The following BRWD3 variants were observed in gnomAD, a reference collection of about 807,000 sequenced individuals.
BRWD3 encodes the protein bromodomain and WD repeat-containing protein 3.
BRWD3 carries 10 observed loss-of-function variants against 149.7 expected under a neutral mutation model. The ratio of observed to expected loss-of-function variants is 0.07; its 90% CI spans 0.04 to 0.11. BRWD3 has a LOEUF of 0.11. Among genes scored for constraint, BRWD3 ranks in the 10% least tolerant of loss-of-function variants. The probability of loss-of-function intolerance (pLI) is 1.00; values close to 1 mark genes in which losing one functional copy is unlikely to be tolerated. For missense variants in BRWD3, 940 were observed against 1,373.2 expected (o/e 0.68, Z 4.99); for synonymous variants, 504 against 456.7 (o/e 1.10, Z -1.32).
chrX:80,724,334 C>G (rs2073189815), intron 15 of BRWD3, among the ~76,000 whole-genome samples: 1 of 111,413 alleles, frequency 9.0e-6, no homozygotes, highest in Non-Finnish European at 1.9e-5. Flanking sequence ...AAAGTAAACT[C>G]AAAGAGCAAC....
intron 20 of BRWD3, among the ~76,000 whole-genome samples, chrX:80,712,683 C>T (rs1388471149): frequency 9.1e-6 from 1 of 110,277 alleles, no homozygotes; most frequent in Non-Finnish European, 1.9e-5. Flanking sequence ...TGCCCAGCCG[C>T]CATCCCATCT....
intron 6 of BRWD3, among the ~76,000 whole-genome samples, chrX:80,763,887 C>G (rs2073828931): frequency 8.9e-6 from 1 of 111,882 alleles, no homozygotes; most frequent in South Asian, 3.7e-4. Flanking sequence ...CTAAAATTCA[C>G]AGGGAAAGAC....
intron 21 of BRWD3, among the ~76,000 whole-genome samples, chrX:80,708,738 C>T (rs1413516991): frequency 2.1e-4 from 23 of 110,407 alleles, no homozygotes; most frequent in Non-Finnish European, 1.5e-4. Flanking sequence ...ATCTCTTGAA[C>T]CCAGGAGGCA....
intron 25 of BRWD3, among the ~76,000 whole-genome samples, chrX:80,698,209 T>C (rs1012531776): frequency 8.9e-6 from 1 of 112,193 alleles, no homozygotes; most frequent in Non-Finnish European, 1.9e-5. Flanking sequence ...GATATGATCT[T>C]ACAATAATCA....
chrX:80,719,667 C>G lies in BRWD3; in HGVS notation c.1877-11G>C. 13 of 1,208,283 alleles carry G rather than the reference C, an allele frequency of 1.1e-5. No homozygotes were observed. Among genetic ancestry groups the G allele is most frequent in the Non-Finnish European group, 1.5e-5 (13 of 893,262 alleles). Reference sequence around the variant, plus strand: ...CTACCTCACCATCACCTTAATAAGACCAGATACAAAGCCACAAAATTACTT... The same window carrying G: ...CTACCTCACCATCACCTTAATAAGAGCAGATACAAAGCCACAAAATTACTT... On this transcript the variant is annotated splice_polypyrimidine_tract_variant and intron_variant, in intron 17 of 40. Coordinates refer to ENST00000373275, the MANE Select transcript of BRWD3 (RefSeq NM_153252.5).
rs1416301999 is a variant in BRWD3 at position 80,669,759 on chromosome X, C to CA, written c.*6849dup. Among the ~76,000 whole-genome samples, 9 of 110,972 alleles carry CA rather than the reference C, an allele frequency of 8.1e-5. No homozygotes were observed. The highest frequency in any genetic ancestry group is 5.7e-5 in the Non-Finnish European group (3 of 52,921). ...ATTGCAACATGACAAAAATCAACCA[C>CA]AAAAATCCTTAAAAATGAATAAGCT... On this transcript the variant is annotated 3_prime_UTR_variant, in exon 41 of 41. Coordinates refer to ENST00000373275, the MANE Select transcript of BRWD3 (RefSeq NM_153252.5).
rs756029872 is a variant in BRWD3 at position 80,722,685 on chromosome X, G to A, written c.1753C>T (p.Pro585Ser). 7.4e-6 allele frequency: 9 copies of A among 1,208,437 alleles called. No individual in the cohort carries two copies. ...TCAACATCCACCAAAAATGGAGGAG[G>A]CATGAGGTGAGGAGCTTGTTGGGTT... The part of the protein sequence containing the change: ...EQTQQAPHLM[P>S]PPFLVDVDGN... Residue 585 changes from proline to serine, a missense_variant, in exon 17 of 41, where the codon CCT (proline) becomes TCT (serine). By Grantham distance (74) the Pro-to-Ser change is moderately conservative. This residue lies in a region of BRWD3 where 209 missense variants were observed against 396.8 expected (regional missense o/e 0.53). Transcript: ENST00000373275.
intron 8 of BRWD3, among the ~76,000 whole-genome samples, chrX:80,737,128 T>C (rs2073415024): frequency 9.0e-6 from 1 of 111,569 alleles, no homozygotes; most frequent in African/African-American, 3.3e-5. Flanking sequence ...CATTAACAAC[T>C]GATGTGCAGT....
chrX:80,728,276 C>T (rs1802312150), intron 14 of BRWD3, among the ~76,000 whole-genome samples: 1 of 111,697 alleles, frequency 9.0e-6, no homozygotes, highest in East Asian at 2.8e-4. Context: ...TTAATCCTTT[C>T]AACTTTTTAC....
intron 19 of BRWD3, chrX:80,716,743 C>T (rs12844416): frequency 0.033 from 3,910 of 120,063 alleles, 73 homozygotes; most frequent in Middle Eastern, 0.072. Flanking sequence ...GAGTTGTTTC[C>T]ACCATTTGGT....
intron 14 of BRWD3, among the ~76,000 whole-genome samples, chrX:80,727,927 T>A (rs771926309): frequency 8.9e-6 from 1 of 111,939 alleles, no homozygotes; most frequent in South Asian, 3.7e-4. Flanking sequence ...CAGGACTCTG[T>A]CTAATTTACC....
chrX:80,716,012 C>G, intron 20 of BRWD3, 145 bp downstream of exon 20: 1 of 445,547 alleles, frequency 2.2e-6, no homozygotes. Context: ...TCATATATCT[C>G]AATTTGTGGC....
At chrX:80,687,382 A>AT (rs753387965) in intron 34 of BRWD3, among the ~76,000 whole-genome samples, 4 of 110,867 alleles carry the variant, frequency 3.6e-5, no homozygotes, top group East Asian at 5.7e-4. Flanking sequence ...CACTTGAATG[A>AT]TTTTTTTTCC....
intron 4 of BRWD3, among the ~76,000 whole-genome samples, chrX:80,798,045 A>T (rs2074256491): frequency 2.7e-5 from 3 of 111,297 alleles, no homozygotes; most frequent in African/African-American, 6.5e-5. Flanking sequence ...CAGTGAGCCG[A>T]GATCACGCCA....
At chrX:80,727,183 T>A (rs2073263793) in intron 14 of BRWD3, among the ~76,000 whole-genome samples, 1 of 111,054 alleles carries the variant, frequency 9.0e-6, no homozygotes, top group Non-Finnish European at 1.9e-5. Flanking sequence ...ATCTAAATTA[T>A]CATCCTGGCT....
chrX:80,800,546 A>C (rs1187101745), intron 4 of BRWD3, among the ~76,000 whole-genome samples: 1 of 108,576 alleles, frequency 9.2e-6, no homozygotes, highest in Non-Finnish European at 1.9e-5. Context: ...TCTCAAAAAA[A>C]AAAAAAATAC....
intron 6 of BRWD3, among the ~76,000 whole-genome samples, chrX:80,791,318 A>T (rs1265489406): frequency 9.0e-6 from 1 of 111,492 alleles, no homozygotes; most frequent in African/African-American, 3.3e-5. Context: ...GCGAACTTTA[A>T]TATAAATAGT....
intron 36 of BRWD3, among the ~76,000 whole-genome samples, chrX:80,684,403 T>C (rs1336789863): frequency 8.9e-6 from 1 of 111,768 alleles, no homozygotes; most frequent in African/African-American, 3.2e-5. Flanking sequence ...AGGTAAAGAA[T>C]AGAAAATCCA....
At chrX:80,786,526 A>G (rs1409973951) in intron 6 of BRWD3, among the ~76,000 whole-genome samples, 1 of 109,771 alleles carries the variant, frequency 9.1e-6, no homozygotes, top group Non-Finnish European at 1.9e-5. Flanking sequence ...CTATATATAT[A>G]TATATATGGA....
Sources: gnomAD v4.1 joint callset for allele counts (sites outside exome capture counted in the v4.1 genomes callset) on GRCh38, gnomAD v4.1.1 for gene constraint, gnomAD v4.1.1 regional missense constraint, MANE v1.5 for transcripts, NCBI Gene and HGNC (gene_info 2026-07-23, HGNC 2026-07-21) for gene names.